Variants in PHACTR1 observed in about 807,000 individuals in gnomAD.
PHACTR1 encodes phosphatase and actin regulator 1.
A neutral mutation model predicts 69.2 loss-of-function variants in PHACTR1; 16 were observed. The observed-to-expected ratio is 0.23, with a 90% CI of 0.16 to 0.35. The LOEUF (loss-of-function observed/expected upper bound fraction) is 0.35, where lower values mean the gene tolerates loss of function less well. PHACTR1 is among the 10% of genes least tolerant of loss of function. The pLI is 1.00. For synonymous variants in PHACTR1, 312 were observed against 284.5 expected (o/e 1.10, Z -0.97); for missense variants, 510 against 734.7 (o/e 0.69, Z 3.54).
intron 4 of PHACTR1, among the ~76,000 whole-genome samples, chr6:12,977,316 A>G (rs7774775): frequency 0.5 from 76,064 of 151,852 alleles, 21,843 homozygotes; most frequent in African/African-American, 0.79. Context: ...GCAGATAAGG[A>G]GGGACGGCTA....
intron 4 of PHACTR1, among the ~76,000 whole-genome samples, chr6:12,881,587 C>T (rs1783096889): frequency 6.6e-6 from 1 of 152,114 alleles, no homozygotes; most frequent in South Asian, 2.1e-4. Context: ...CCTCTTCCCT[C>T]TCCATTTCAT....
chr6:13,098,097 T>C (rs1814574853), intron 5 of PHACTR1, among the ~76,000 whole-genome samples: 1 of 152,186 alleles, frequency 6.6e-6, no homozygotes, highest in African/African-American at 2.4e-5. Context: ...ACCTCCCATG[T>C]TAGAAAACAC....
At chr6:12,890,001 C>T (rs548145484) in intron 4 of PHACTR1, among the ~76,000 whole-genome samples, 5 of 152,154 alleles carry the variant, frequency 3.3e-5, no homozygotes, top group South Asian at 2.1e-4. Flanking sequence ...ACCCCCGGGT[C>T]GTGGACTGGT....
intron 7 of PHACTR1, among the ~76,000 whole-genome samples, chr6:13,183,531 A>G (rs1762451633): frequency 6.6e-6 from 1 of 152,136 alleles, no homozygotes; most frequent in Non-Finnish European, 1.5e-5. Flanking sequence ...TGTGTGCCAC[A>G]TTGACAATAA....
At chr6:12,721,619 G>A (rs565749090) in intron 3 of PHACTR1, among the ~76,000 whole-genome samples, 4 of 152,232 alleles carry the variant, frequency 2.6e-5, no homozygotes, top group African/African-American at 9.6e-5. Context: ...TTAAAGATGA[G>A]AGTCCCTCTC....
intron 5 of PHACTR1, among the ~76,000 whole-genome samples, chr6:13,133,630 G>C (rs1445401944): frequency 6.6e-6 from 1 of 152,134 alleles, no homozygotes; most frequent in African/African-American, 2.4e-5. Flanking sequence ...GCAGTGGCGT[G>C]ATCTCGGCTC....
chr6:13,128,005 G>A (rs1439786460), intron 5 of PHACTR1, among the ~76,000 whole-genome samples: 1 of 151,316 alleles, frequency 6.6e-6, no homozygotes, highest in Non-Finnish European at 1.5e-5. Flanking sequence ...ATGGCGGCCG[G>A]AAGGAGAAGT....
At chr6:13,038,890 C>T (rs1303314243) in intron 4 of PHACTR1, among the ~76,000 whole-genome samples, 2 of 152,112 alleles carry the variant, frequency 1.3e-5, no homozygotes, top group South Asian at 4.1e-4. Flanking sequence ...CTGCCATGTT[C>T]CAGTCATCAC....
chr6:13,286,927 C>T, intron 14 of PHACTR1, 136 bp from the exon 15 acceptor site: 1 of 894,120 alleles, frequency 1.1e-6, no homozygotes, highest in Non-Finnish European at 1.7e-6. Flanking sequence ...TTCAGTGGTA[C>T]TCCTGTGGGG....
At chr6:13,252,401 G>A (rs1343979736) in intron 10 of PHACTR1, among the ~76,000 whole-genome samples, 1 of 151,196 alleles carries the variant, frequency 6.6e-6, no homozygotes, top group African/African-American at 2.4e-5. Flanking sequence ...AAGTCTATTT[G>A]AAACTTCCAT....
chr6:12,825,182 G>A (rs1776655654), intron 4 of PHACTR1, among the ~76,000 whole-genome samples: 2 of 152,036 alleles, frequency 1.3e-5, no homozygotes, highest in South Asian at 4.2e-4. Flanking sequence ...GTGTGGTGGT[G>A]TGCACCTGTA....
chr6:12,889,728 CTTCTTCT>C (rs141579526), intron 4 of PHACTR1, among the ~76,000 whole-genome samples: 8,420 of 150,560 alleles, frequency 0.056, 304 homozygotes, highest in Admixed American at 0.099. Context: ...GTTCAATTTT[CTTCTTCT>C]TTCTTCTTTC....
intron 5 of PHACTR1, among the ~76,000 whole-genome samples, chr6:13,096,609 A>G (rs1433143602): frequency 6.6e-6 from 1 of 152,190 alleles, no homozygotes; most frequent in Non-Finnish European, 1.5e-5. Context: ...GGAAAAGAAC[A>G]AGTGCAAAGA....
At chr6:12,976,801 G>T (rs1261701314) in intron 4 of PHACTR1, among the ~76,000 whole-genome samples, 2 of 151,910 alleles carry the variant, frequency 1.3e-5, no homozygotes, top group African/African-American at 4.8e-5. Flanking sequence ...CAACTGTCCT[G>T]GTGTCACAGT....
intron 7 of PHACTR1, among the ~76,000 whole-genome samples, chr6:13,199,383 C>CAAAAAA (rs59070503): frequency 6.4e-5 from 5 of 78,252 alleles, no homozygotes; most frequent in African/African-American, 2.4e-4. Flanking sequence ...GAGTCCATCT[C>CAAAAAA]AAAAAAAAAA....
chr6:12,744,762 C>A (rs1345656153), intron 3 of PHACTR1, among the ~76,000 whole-genome samples: 1 of 152,198 alleles, frequency 6.6e-6, no homozygotes, highest in Non-Finnish European at 1.5e-5. Context: ...TATCCAGTGA[C>A]ATTCTGAAAA....
chr6:13,097,892 C>A (rs541353303), intron 5 of PHACTR1, among the ~76,000 whole-genome samples: 8 of 152,282 alleles, frequency 5.3e-5, no homozygotes, highest in Non-Finnish European at 1.2e-4. Context: ...CCCCCAACTT[C>A]CCACCGTCTA....
At chr6:13,234,037 A>G (rs1429560883) in intron 10 of PHACTR1, among the ~76,000 whole-genome samples, 6 of 152,246 alleles carry the variant, frequency 3.9e-5, no homozygotes, top group Non-Finnish European at 1.5e-5. Flanking sequence ...CTATACCTCA[A>G]GGTCATTTTT....
intron 7 of PHACTR1, among the ~76,000 whole-genome samples, chr6:13,202,963 C>T (rs972948798): frequency 6.6e-6 from 1 of 152,248 alleles, no homozygotes; most frequent in African/African-American, 2.4e-5. Flanking sequence ...CAGGAATGAA[C>T]ATGCGGAAGC....
Sources: allele counts gnomAD v4.1 joint callset (sites outside exome capture counted in the v4.1 genomes callset), GRCh38; gene constraint gnomAD v4.1.1; transcripts MANE v1.5; gene names NCBI Gene and HGNC (gene_info 2026-07-23, HGNC 2026-07-21).